Variants in MTUS2 observed in about 807,000 individuals in gnomAD.
MTUS2 encodes microtubule associated scaffold protein 2.
MTUS2 carries 40 observed loss-of-function variants against 114.1 expected under a neutral mutation model. The ratio of observed to expected loss-of-function variants is 0.35; its 90% CI spans 0.27 to 0.46. The LOEUF is 0.46. Among genes scored for constraint, MTUS2 ranks in the 20% least tolerant of loss-of-function variants. The pLI is 1.00. For missense variants in MTUS2, 1,679 were observed against 1,705.4 expected (o/e 0.98, Z 0.27); for synonymous variants, 688 against 672.0 (o/e 1.02, Z -0.37).
chr13:29,269,995 C>T (rs1486101425), intron 5 of MTUS2, among the ~76,000 whole-genome samples: 1 of 152,038 alleles, frequency 6.6e-6, no homozygotes, highest in African/African-American at 2.4e-5. Context: ...CATGGGGTAT[C>T]TAAAAAGGTC....
chr13:29,078,948 G>T (rs989852473), intron 4 of MTUS2, among the ~76,000 whole-genome samples: 1 of 152,182 alleles, frequency 6.6e-6, no homozygotes, highest in African/African-American at 2.4e-5. Flanking sequence ...AAGGAGGATT[G>T]CTTGGTCACA....
intron 2 of MTUS2, among the ~76,000 whole-genome samples, chr13:28,928,239 C>G (rs1881429237): frequency 6.6e-6 from 1 of 151,764 alleles, no homozygotes; most frequent in South Asian, 2.1e-4. Context: ...ATAACCAAGG[C>G]AAAAACAGAC....
intron 5 of MTUS2, among the ~76,000 whole-genome samples, chr13:29,176,503 G>C (rs141357310): frequency 4.1e-4 from 63 of 152,262 alleles, no homozygotes; most frequent in Non-Finnish European, 7.1e-4. Context: ...TCAAACCTTA[G>C]ACTGGGTAAT....
rs145500687 is a variant in MTUS2, at chr13:28,931,276, A to T, written c.-243+91426A>T. 1.5e-3 allele frequency among the ~76,000 whole-genome samples: 235 copies of T among 152,348 alleles called. 1 individual carries two copies. Among genetic ancestry groups the T allele is most frequent in the African/African-American group, 4.9e-3 (203 of 41,582 alleles). ...AAATAGCAATACAATGATAAAAATA[A>T]TACAAATAAAACAAAATACAGATGA... On this transcript the variant is annotated intron_variant, in intron 2 of 15. Coordinates refer to ENST00000612955, the MANE Select transcript of MTUS2 (RefSeq NM_001033602.4).
chr13:28,837,909 A>AT, intron 1 of MTUS2, among the ~76,000 whole-genome samples: 1 of 152,070 alleles, frequency 6.6e-6, no homozygotes, highest in South Asian at 2.1e-4. Context: ...TGAATGTCAG[A>AT]TTTACTTTGC....
chr13:29,130,008 C>T (rs1050777908), intron 5 of MTUS2, among the ~76,000 whole-genome samples: 2 of 152,100 alleles, frequency 1.3e-5, no homozygotes, highest in Non-Finnish European at 2.9e-5. Context: ...GGAGCCTTCA[C>T]CCTTTGTGTT....
intron 4 of MTUS2, among the ~76,000 whole-genome samples, chr13:29,074,863 T>G (rs781732981): frequency 6.6e-6 from 1 of 152,196 alleles, no homozygotes; most frequent in Non-Finnish European, 1.5e-5. Context: ...GAGATATAAT[T>G]CACATATTTC....
At chr13:29,206,257 T>A (rs1193439882) in intron 5 of MTUS2, among the ~76,000 whole-genome samples, 1 of 152,186 alleles carries the variant, frequency 6.6e-6, no homozygotes, top group African/African-American at 2.4e-5. Flanking sequence ...TTGATGGGAT[T>A]ATTTGTTTTC....
chr13:29,420,426 C>T (rs984788055), intron 8 of MTUS2, among the ~76,000 whole-genome samples: 5 of 151,924 alleles, frequency 3.3e-5, no homozygotes, highest in South Asian at 4.1e-4. Context: ...TTCAGGCCCC[C>T]GCTGCCGCGC....
chr13:28,900,281 C>G (rs1879565988), intron 2 of MTUS2, among the ~76,000 whole-genome samples: 1 of 152,164 alleles, frequency 6.6e-6, no homozygotes, highest in Admixed American at 6.6e-5. Flanking sequence ...ATTCTCCCAC[C>G]AGTTTTACCT....
At chr13:28,970,272 C>T (rs576536909) in intron 2 of MTUS2, among the ~76,000 whole-genome samples, 1 of 152,192 alleles carries the variant, frequency 6.6e-6, no homozygotes, top group African/African-American at 2.4e-5. Context: ...TTTATATGTA[C>T]AAATGTAGAA....
intron 2 of MTUS2, among the ~76,000 whole-genome samples, chr13:29,019,012 A>G (rs1370288265): frequency 6.6e-6 from 1 of 152,128 alleles, no homozygotes; most frequent in Non-Finnish European, 1.5e-5. Context: ...GTACTATGAA[A>G]AATAAACAAT....
intron 6 of MTUS2, among the ~76,000 whole-genome samples, chr13:29,303,325 G>C (rs1420125043): frequency 6.6e-6 from 1 of 152,342 alleles, no homozygotes; most frequent in Non-Finnish European, 1.5e-5. Flanking sequence ...ACAGAAGTAG[G>C]CTTCAGAAGG....
intron 4 of MTUS2, among the ~76,000 whole-genome samples, chr13:29,060,079 A>G (rs953277673): frequency 6.6e-6 from 1 of 152,062 alleles, no homozygotes; most frequent in Non-Finnish European, 1.5e-5. Context: ...AGTTCAGGCC[A>G]AAGCAGGACT....
At chr13:29,243,785 C>T (rs188064955) in intron 5 of MTUS2, among the ~76,000 whole-genome samples, 47 of 152,292 alleles carry the variant, frequency 3.1e-4, no homozygotes, top group African/African-American at 1.1e-3. Flanking sequence ...CGTTGAAGAA[C>T]AGAAACTCAT....
At chr13:29,402,913 T>A (rs1227989510) in intron 8 of MTUS2, among the ~76,000 whole-genome samples, 1 of 151,998 alleles carries the variant, frequency 6.6e-6, no homozygotes, top group Non-Finnish European at 1.5e-5. Flanking sequence ...ATTTTTGTAT[T>A]TTTAGTAGAG....
chr13:28,937,837 T>A (rs1881992768), intron 2 of MTUS2, among the ~76,000 whole-genome samples: 1 of 152,160 alleles, frequency 6.6e-6, no homozygotes, highest in South Asian at 2.1e-4. Flanking sequence ...TTGGGTCAGC[T>A]GACCTCTAGG....
intron 2 of MTUS2, among the ~76,000 whole-genome samples, chr13:28,865,642 C>T (rs1390809081): frequency 1.3e-5 from 2 of 152,192 alleles, no homozygotes; most frequent in African/African-American, 2.4e-5. Flanking sequence ...TCCTGTGTAA[C>T]AGTCAGGGCT....
intron 5 of MTUS2, among the ~76,000 whole-genome samples, chr13:29,264,637 G>A (rs540100301): frequency 5.3e-5 from 8 of 152,350 alleles, no homozygotes; most frequent in Middle Eastern, 6.8e-3. Context: ...CTATATACCT[G>A]AAGGCTTAAC....
Sources: gnomAD v4.1 joint callset for allele counts (sites outside exome capture counted in the v4.1 genomes callset) on GRCh38, gnomAD v4.1.1 for gene constraint, MANE v1.5 for transcripts, NCBI Gene and HGNC (gene_info 2026-07-23, HGNC 2026-07-21) for gene names.